Variants in SH3BP4 observed in about 807,000 individuals in gnomAD.
SH3BP4 encodes SH3 domain-binding protein 4.
Under a neutral mutation model 65.5 loss-of-function variants are expected in SH3BP4, and 33 were observed. That is an observed-to-expected ratio of 0.50 (90% CI 0.38 to 0.67). SH3BP4 has a LOEUF of 0.67. Ranked by LOEUF, SH3BP4 falls within the 30% of genes least tolerant of loss-of-function variation. The probability of loss-of-function intolerance (pLI) is 0.00; values close to 1 mark genes in which losing one functional copy is unlikely to be tolerated. For synonymous variants in SH3BP4, 552 were observed against 545.5 expected, an observed-to-expected ratio of 1.01 and a Z score of -0.17; for missense variants, 1,134 against 1,261.4, an observed-to-expected ratio of 0.90 and a Z score of 1.53.
chr2:235,025,362 C>CT (rs1694967524), intron 2 of SH3BP4, among the ~76,000 whole-genome samples: 2 of 152,238 alleles, frequency 1.3e-5, no homozygotes, highest in South Asian at 4.2e-4. Flanking sequence ...ATGGTGGGGG[C>CT]CCCCACCCCT....
At chr2:235,019,834 T>C (rs192195507) in intron 2 of SH3BP4, among the ~76,000 whole-genome samples, 147 of 136,570 alleles carry the variant, frequency 1.1e-3, no homozygotes, top group Non-Finnish European at 7.9e-4. Context: ...AGATGAGAGA[T>C]CTGAGGCCAG....
chr2:234,972,955 C>T (rs1693041838), intron 1 of SH3BP4, among the ~76,000 whole-genome samples: 1 of 152,116 alleles, frequency 6.6e-6, no homozygotes, highest in African/African-American at 2.4e-5. Context: ...ACGTGCAGAA[C>T]ACAGACATCA....
chr2:234,984,845 T>C (rs1693498139), intron 1 of SH3BP4, among the ~76,000 whole-genome samples: 1 of 149,036 alleles, frequency 6.7e-6, no homozygotes, highest in Non-Finnish European at 1.5e-5. Flanking sequence ...GTCCCAGCAG[T>C]CCATCCAAAT....
At position 235,030,080 on chromosome 2, in the gene SH3BP4, T is replaced by TG. The variant is rs1451258522; in HGVS notation, c.-132-4786dup. Among the ~76,000 whole-genome samples, 1 of 151,962 alleles carries TG rather than the reference T, an allele frequency of 6.6e-6. No individual in the cohort carries two copies. The highest frequency in any genetic ancestry group is 1.5e-5 in the Non-Finnish European group (1 of 67,980). Reference sequence around the variant, plus strand: ...GGAGGTACAGGTGGAGACTGAGTAGTGGGGGTCTTTTCATCTCAGGCCAGG... The same window carrying TG: ...GGAGGTACAGGTGGAGACTGAGTAGTGGGGGGTCTTTTCATCTCAGGCCAGG... On this transcript the variant is annotated intron_variant, in intron 2 of 5. Transcript: ENST00000392011. This position sits in a 1 kb window ranked among gnomAD's most constrained non-coding sequence, Gnocchi z 4.1.
At chr2:235,003,680 T>C (rs754092608) in intron 2 of SH3BP4, among the ~76,000 whole-genome samples, 4 of 152,204 alleles carry the variant, frequency 2.6e-5, no homozygotes, top group Admixed American at 6.5e-5. Flanking sequence ...GTTGCAGTTA[T>C]GGGCGTGTGA....
intron 3 of SH3BP4, among the ~76,000 whole-genome samples, chr2:235,038,512 A>G (rs1319280298): frequency 1.4e-5 from 2 of 146,816 alleles, no homozygotes; most frequent in African/African-American, 5.0e-5. Context: ...TACTTAATAT[A>G]TGTTATATGT....
rs1188801715 is a variant in SH3BP4, at chr2:235,046,713, G to A, written c.2478+3466G>A. ...AATCACTGAGGTACTAGATGGATAA[G>A]TGATTGAATGAATGAATGATGGATG... On this transcript the variant is annotated intron_variant, in intron 4 of 5. Transcript: ENST00000392011. The surrounding 1 kb of genome is among the most constrained non-coding windows in gnomAD (Gnocchi z 4.2). 6.8e-6 allele frequency among the ~76,000 whole-genome samples: 1 copy of A among 146,908 alleles called. No homozygotes were observed. The highest frequency in any genetic ancestry group is 2.6e-5 in the African/African-American group (1 of 38,872).
intron 2 of SH3BP4, among the ~76,000 whole-genome samples, chr2:235,032,551 G>GC (rs1695237960): frequency 1.3e-5 from 2 of 152,226 alleles, no homozygotes; most frequent in Admixed American, 6.5e-5. Context: ...CCTCCAAGCA[G>GC]CCCGGGGGCT....
intron 2 of SH3BP4, among the ~76,000 whole-genome samples, chr2:234,999,498 C>G (rs1199966465): frequency 6.6e-6 from 1 of 152,188 alleles, no homozygotes; most frequent in Non-Finnish European, 1.5e-5. Flanking sequence ...GTTGTCTGGG[C>G]AGACTGCAAT....
chr2:234,952,457 G>T lies in SH3BP4; in HGVS notation c.-207+287G>T, dbSNP rs1692493513. Among the ~76,000 whole-genome samples, 1 of 150,588 alleles carries T rather than the reference G, an allele frequency of 6.6e-6. No homozygotes were observed. Among genetic ancestry groups the T allele is most frequent in the Non-Finnish European group, 1.5e-5 (1 of 67,670 alleles). ...TCCGGGCGCCGAGCCGCAGCCCTCC[G>T]CGTGCGCTCGGGCCGCCCCCCAACC... On this transcript the variant is annotated intron_variant, in intron 1 of 5. Transcript: ENST00000392011. This position sits in a 1 kb window ranked among gnomAD's most constrained non-coding sequence, Gnocchi z 6.5.
Position 235,045,006 on chromosome 2 carries a change from C to T in SH3BP4, c.2478+1759C>T, listed in dbSNP as rs1695799912. Reference sequence around the variant, plus strand: ...ACGCAGCAGGGAAGCCTCCGGGCCCCCATGTGGGGTCACCTGCAGGGAGGG... The same window carrying T: ...ACGCAGCAGGGAAGCCTCCGGGCCCTCATGTGGGGTCACCTGCAGGGAGGG... On this transcript the variant is annotated intron_variant, in intron 4 of 5. Transcript: ENST00000392011. The surrounding 1 kb of genome is among the most constrained non-coding windows in gnomAD (Gnocchi z 4.3). Among the ~76,000 whole-genome samples the T allele has an allele frequency of 6.6e-6, 1 of 152,178 alleles. No individual in the cohort carries two copies. Among genetic ancestry groups the T allele is most frequent in the Non-Finnish European group, 1.5e-5 (1 of 68,020 alleles).
rs1692507634 is a variant in SH3BP4, at chr2:234,952,924, CT to C, written c.-207+755del. ...ACCCCAACCCTGGGTCCCGCGGCTCCTAGCCCGGGGCCTGCGGTGTAGACGG... is the reference window on the plus strand; with the variant it reads ...ACCCCAACCCTGGGTCCCGCGGCTCCAGCCCGGGGCCTGCGGTGTAGACGG... On this transcript the variant is annotated intron_variant, in intron 1 of 5. Transcript: ENST00000392011. The surrounding 1 kb of genome is among the most constrained non-coding windows in gnomAD (Gnocchi z 6.5). The C allele has an allele frequency of 6.6e-6, 1 of 152,128 alleles. No homozygotes were observed. The highest frequency in any genetic ancestry group is 2.4e-5 in the African/African-American group (1 of 41,446). The allele number at this position is 152,128 out of a possible 1,614,324, so 9.4% of individuals were successfully genotyped here. A position where few individuals can be genotyped will look rare whatever the true frequency, so the allele number is the denominator to read the frequency against.
rs758556211 is a variant in SH3BP4, at chr2:235,020,357, C to T, written c.-132-14514C>T. Among the ~76,000 whole-genome samples, 20 of 152,022 alleles carry T rather than the reference C, an allele frequency of 1.3e-4. 1 individual carries two copies. The highest frequency in any genetic ancestry group is 5.2e-4 in the Admixed American group (8 of 15,256). On this transcript the variant is annotated intron_variant, in intron 2 of 5. Coordinates refer to ENST00000392011, the MANE Select transcript of SH3BP4 (RefSeq NM_014521.3). ...CCAAAAAATACAAAAATTAGCCAGG[C>T]GTGGTGGCGCGTGCCTGTAATCCCA...
intron 1 of SH3BP4, among the ~76,000 whole-genome samples, chr2:234,963,673 G>C (rs897534217): frequency 1.7e-4 from 26 of 152,290 alleles, no homozygotes; most frequent in Non-Finnish European, 3.2e-4. Flanking sequence ...AGGTGTTTCC[G>C]TTGGGAGGTC....
At chr2:235,027,126 C>T (rs1695026222) in intron 2 of SH3BP4, among the ~76,000 whole-genome samples, 1 of 152,240 alleles carries the variant, frequency 6.6e-6, no homozygotes, top group African/African-American at 2.4e-5. Flanking sequence ...GAGTCGTAGC[C>T]TTGCATTCCC....
chr2:235,038,378 TA>T (rs1458199060), intron 3 of SH3BP4, among the ~76,000 whole-genome samples: 7 of 22,744 alleles, frequency 3.1e-4, no homozygotes, highest in African/African-American at 1.7e-3. Context: ...TATATATACA[TA>T]TATATATATA....
chr2:234,985,636 C>T lies in SH3BP4; in HGVS notation c.-206-9667C>T, dbSNP rs1022558088. Among the ~76,000 whole-genome samples the T allele has an allele frequency of 1.3e-5, 2 of 152,222 alleles. 1 individual carries two copies. Among genetic ancestry groups the T allele is most frequent in the African/African-American group, 4.8e-5 (2 of 41,460 alleles). On this transcript the variant is annotated intron_variant, in intron 1 of 5. Transcript: ENST00000392011. ...TCTGCGCACAGATATTTTTGACCCT[C>T]TGCGCACAGGTGTTTTGACTGTCTG... is the stretch of plus-strand genomic sequence containing the variant.
chr2:235,013,873 C>A (rs1453370672), intron 2 of SH3BP4, among the ~76,000 whole-genome samples: 2 of 152,126 alleles, frequency 1.3e-5, no homozygotes, highest in Non-Finnish European at 2.9e-5. Flanking sequence ...TGAAGATTAA[C>A]CTCTTTGTGC....
At chr2:234,965,661 T>A (rs1474839903) in intron 1 of SH3BP4, among the ~76,000 whole-genome samples, 1 of 152,200 alleles carries the variant, frequency 6.6e-6, no homozygotes, top group African/African-American at 2.4e-5. Flanking sequence ...CTTGCTAAAT[T>A]GGGAGTGGGA....
Sources: gnomAD v4.1 joint callset for allele counts (sites outside exome capture counted in the v4.1 genomes callset) on GRCh38, gnomAD v4.1.1 for gene constraint, Gnocchi (gnomAD v3.1) non-coding constraint, MANE v1.5 for transcripts, NCBI Gene and HGNC (gene_info 2026-07-23, HGNC 2026-07-21) for gene names.